The following FOCAD variants were observed in gnomAD, a reference collection of about 807,000 sequenced individuals.
The protein encoded by FOCAD is KIAA1797.
Under a neutral mutation model 225.6 loss-of-function variants are expected in FOCAD, and 198 were observed. The ratio of observed to expected loss-of-function variants is 0.88; its 90% confidence interval spans 0.78 to 0.99. The LOEUF is 0.99. Among genes scored for constraint, FOCAD ranks in the 50% least tolerant of loss-of-function variants. The pLI is 0.00. For synonymous variants in FOCAD, 897 were observed against 755.0 expected (o/e 1.19, Z -3.08); for missense variants, 2,713 against 2,123.6 (o/e 1.28, Z -5.46).
intron 28 of FOCAD, among the ~76,000 whole-genome samples, chr9:20,944,095 A>G (rs750182145): frequency 7.2e-5 from 11 of 152,238 alleles, no homozygotes; most frequent in Non-Finnish European, 1.5e-4. Flanking sequence ...TCTTTAGGAA[A>G]GAAATTCCAC....
At chr9:20,876,242 A>C (rs2131805462) in intron 19 of FOCAD, among the ~76,000 whole-genome samples, 1 of 152,200 alleles carries the variant, frequency 6.6e-6, no homozygotes, top group Non-Finnish European at 1.5e-5. Flanking sequence ...CCTACCTCTT[A>C]GCTTTTCAGA....
At chr9:20,938,156 G>C (rs1451855055) in intron 28 of FOCAD, among the ~76,000 whole-genome samples, 1 of 152,196 alleles carries the variant, frequency 6.6e-6, no homozygotes, top group Non-Finnish European at 1.5e-5. Flanking sequence ...TTCAACCGTT[G>C]TGGAAGTCAG....
At chr9:20,881,461 G>A (rs1209388778) in intron 19 of FOCAD, among the ~76,000 whole-genome samples, 1 of 152,186 alleles carries the variant, frequency 6.6e-6, no homozygotes, top group East Asian at 1.9e-4. Context: ...TCTGGCCTCT[G>A]GGCAGAGGAA....
chr9:20,751,996 G>A (rs1483248721), intron 5 of FOCAD, among the ~76,000 whole-genome samples: 22 of 143,390 alleles, frequency 1.5e-4, no homozygotes, highest in East Asian at 2.0e-4. Flanking sequence ...CCCACTTTTT[G>A]ATGGGGTTGT....
At chr9:20,765,604 G>T (rs1417633055) in intron 7 of FOCAD, among the ~76,000 whole-genome samples, 2 of 152,132 alleles carry the variant, frequency 1.3e-5, no homozygotes, top group African/African-American at 4.8e-5. Flanking sequence ...AATGAGTTAG[G>T]ACAAGTACTG....
chr9:20,734,268 G>A (rs1826950888), intron 4 of FOCAD, among the ~76,000 whole-genome samples: 1 of 152,106 alleles, frequency 6.6e-6, no homozygotes. Flanking sequence ...TTCAAATCTT[G>A]GTCTTGGTTT....
intron 37 of FOCAD, among the ~76,000 whole-genome samples, chr9:20,979,383 G>A (rs935374021): frequency 6.6e-6 from 1 of 152,144 alleles, no homozygotes; most frequent in African/African-American, 2.4e-5. Flanking sequence ...CCATAGCCCA[G>A]GCTGGAGTGC....
chr9:20,678,664 A>C (rs1822307892), intron 2 of FOCAD, among the ~76,000 whole-genome samples: 1 of 152,170 alleles, frequency 6.6e-6, no homozygotes. Flanking sequence ...GAATGAGGGA[A>C]GTGAAGATAG....
chr9:20,812,084 A>G (rs572430795), intron 11 of FOCAD, among the ~76,000 whole-genome samples: 6 of 152,076 alleles, frequency 3.9e-5, no homozygotes, highest in Admixed American at 2.6e-4. Flanking sequence ...TGTTGAATCT[A>G]AGGCTATGAG....
intron 28 of FOCAD, among the ~76,000 whole-genome samples, chr9:20,943,698 G>A (rs929545232): frequency 6.6e-6 from 1 of 152,150 alleles, no homozygotes; most frequent in Non-Finnish European, 1.5e-5. Flanking sequence ...CATTATTGGA[G>A]AAATGCCCTG....
intron 35 of FOCAD, among the ~76,000 whole-genome samples, chr9:20,955,331 T>G (rs1024122279): frequency 6.6e-6 from 1 of 152,176 alleles, no homozygotes; most frequent in Non-Finnish European, 1.5e-5. Context: ...ATAGTGAATC[T>G]GTTAATCTGT....
At chr9:20,830,202 G>T (rs546939229) in intron 15 of FOCAD, among the ~76,000 whole-genome samples, 1 of 152,048 alleles carries the variant, frequency 6.6e-6, no homozygotes, top group African/African-American at 2.4e-5. Flanking sequence ...ATGATACTTG[G>T]ACTTTTTTTC....
At chr9:20,733,065 A>G (rs556902417) in intron 4 of FOCAD, among the ~76,000 whole-genome samples, 6 of 152,284 alleles carry the variant, frequency 3.9e-5, no homozygotes, top group African/African-American at 1.4e-4. Flanking sequence ...TAGGCATAAT[A>G]TCTAATCAGC....
At chr9:20,671,240 A>G (rs1822055020) in intron 2 of FOCAD, among the ~76,000 whole-genome samples, 1 of 152,168 alleles carries the variant, frequency 6.6e-6, no homozygotes. Context: ...ATAGATACAA[A>G]CATCTATATA....
chr9:20,855,561 G>A (rs1828090570), intron 15 of FOCAD, among the ~76,000 whole-genome samples: 1 of 151,284 alleles, frequency 6.6e-6, no homozygotes, highest in South Asian at 2.1e-4. Context: ...GGATAACTGG[G>A]GTATCCATCA....
intron 21 of FOCAD, among the ~76,000 whole-genome samples, chr9:20,893,414 G>A (rs1341678363): frequency 6.6e-6 from 1 of 152,070 alleles, no homozygotes; most frequent in Admixed American, 6.6e-5. Context: ...TAGTGGGATA[G>A]TTTTCCTTTT....
At chr9:20,763,792 G>A (rs986934533) in intron 6 of FOCAD, among the ~76,000 whole-genome samples, 6 of 152,054 alleles carry the variant, frequency 3.9e-5, no homozygotes, top group African/African-American at 1.4e-4. Context: ...GTGTGAATTG[G>A]GCTAGATACT....
intron 18 of FOCAD, among the ~76,000 whole-genome samples, chr9:20,872,187 A>G (rs988538314): frequency 2.0e-5 from 3 of 152,212 alleles, no homozygotes; most frequent in Non-Finnish European, 4.4e-5. Context: ...ATAAATTAAT[A>G]TAGCACACAG....
At chr9:20,789,967 G>A (rs1271744671) in intron 11 of FOCAD, among the ~76,000 whole-genome samples, 2 of 152,156 alleles carry the variant, frequency 1.3e-5, no homozygotes, top group African/African-American at 4.8e-5. Context: ...ATCATTTAAA[G>A]TGGACACAGA....
Sources: gnomAD v4.1 joint callset for allele counts (sites outside exome capture counted in the v4.1 genomes callset) on GRCh38, gnomAD v4.1.1 for gene constraint, MANE v1.5 for transcripts, NCBI Gene and HGNC (gene_info 2026-07-23, HGNC 2026-07-21) for gene names.